GIGYF2: variants seen among roughly 807,000 people sequenced by gnomAD.
GIGYF2 encodes the protein GRB10-interacting GYF protein 2.
GIGYF2 carries 25 observed loss-of-function variants against 208.1 expected under a neutral mutation model. The ratio of observed to expected loss-of-function variants is 0.12; its 90% CI spans 0.09 to 0.17. GIGYF2 has a LOEUF of 0.17. GIGYF2 is among the 10% of genes least tolerant of loss of function. The pLI is 1.00. For missense variants in GIGYF2, 1,302 were observed against 1,579.4 expected, an observed-to-expected ratio of 0.82 and a Z score of 2.98; for synonymous variants, 534 against 543.8, an observed-to-expected ratio of 0.98 and a Z score of 0.25.
chr2:232,716,063 C>T (rs1459641252), intron 2 of GIGYF2, among the ~76,000 whole-genome samples: 1 of 151,840 alleles, frequency 6.6e-6, no homozygotes, highest in Non-Finnish European at 1.5e-5. Context: ...TTCTTTTTGC[C>T]TTTTTTTGGA....
chr2:232,741,382 C>T (rs1035364803), intron 3 of GIGYF2, among the ~76,000 whole-genome samples: 5 of 151,746 alleles, frequency 3.3e-5, no homozygotes, highest in African/African-American at 1.2e-4. Context: ...AAGTTGCCAC[C>T]ATTTCTAACA....
intron 3 of GIGYF2, among the ~76,000 whole-genome samples, chr2:232,743,449 G>A (rs962957735): frequency 2.0e-5 from 3 of 152,150 alleles, no homozygotes; most frequent in African/African-American, 7.2e-5. Flanking sequence ...GGGGGTACAT[G>A]TGAAGGTTAT....
At chr2:232,848,765 T>C (rs1407591767) in intron 27 of GIGYF2, among the ~76,000 whole-genome samples, 2 of 152,260 alleles carry the variant, frequency 1.3e-5, no homozygotes, top group Non-Finnish European at 2.9e-5. Flanking sequence ...TGTTTCCTTG[T>C]TCTACCTTAA....
At chr2:232,844,000 AT>A in intron 23 of GIGYF2, 45 bp from the exon 24 acceptor site, 1 of 1,567,556 alleles carries the variant, frequency 6.4e-7, no homozygotes, top group Non-Finnish European at 8.8e-7. Flanking sequence ...TATAACTATT[AT>A]CTAAAAACAG....
intron 13 of GIGYF2, among the ~76,000 whole-genome samples, chr2:232,795,234 T>G (rs1184505824): frequency 6.6e-6 from 1 of 152,222 alleles, no homozygotes; most frequent in Admixed American, 6.5e-5. Flanking sequence ...AAATGGTGAA[T>G]ACAAGCAGCT....
At chr2:232,706,782 A>T (rs990026897) in intron 2 of GIGYF2, among the ~76,000 whole-genome samples, 17 of 151,692 alleles carry the variant, frequency 1.1e-4, no homozygotes, top group Admixed American at 9.2e-4. Context: ...TCTGTCTCAA[A>T]AAATAAATAA....
intron 8 of GIGYF2, among the ~76,000 whole-genome samples, chr2:232,773,439 A>C (rs753624005): frequency 8.9e-4 from 136 of 152,286 alleles, no homozygotes; most frequent in Admixed American, 2.4e-3. Flanking sequence ...TTGGATGGTT[A>C]TTCAAGTCTA....
At chr2:232,840,361 G>A (rs1446311) in intron 23 of GIGYF2, among the ~76,000 whole-genome samples, 103,811 of 152,062 alleles carry the variant, frequency 0.68, 35,801 homozygotes, top group African/African-American at 0.73. Context: ...CTAGAAAAAT[G>A]TGACAGAAAT....
At chr2:232,851,799 A>G (rs562236354) in intron 28 of GIGYF2, among the ~76,000 whole-genome samples, 16 of 152,318 alleles carry the variant, frequency 1.1e-4, no homozygotes, top group African/African-American at 3.6e-4. Context: ...ATTCGCAAGG[A>G]TGGAAGTTCC....
intron 2 of GIGYF2, among the ~76,000 whole-genome samples, chr2:232,706,679 G>A (rs1190172092): frequency 6.6e-6 from 1 of 152,114 alleles, no homozygotes; most frequent in Non-Finnish European, 1.5e-5. Context: ...TTGGGAGGCT[G>A]AGACAGAACA....
intron 14 of GIGYF2, among the ~76,000 whole-genome samples, chr2:232,802,931 GCT>G (rs1276314920): frequency 2.7e-5 from 4 of 149,096 alleles, no homozygotes; most frequent in African/African-American, 9.9e-5. Context: ...ACAGAGTCTA[GCT>G]CTGTCGGCCA....
intron 6 of GIGYF2, among the ~76,000 whole-genome samples, chr2:232,758,894 A>G (rs1376330023): frequency 6.6e-6 from 1 of 152,204 alleles, no homozygotes; most frequent in African/African-American, 2.4e-5. Context: ...ACATTATTTT[A>G]GGATCTTAAA....
intron 1 of GIGYF2, chr2:232,698,371 T>A (rs1695701301): frequency 6.6e-6 from 1 of 152,230 alleles, no homozygotes; most frequent in African/African-American, 2.4e-5. Context: ...AACAGCTTCC[T>A]TTCTAGAGCT....
intron 8 of GIGYF2, chr2:232,776,618 C>A (rs768588604): frequency 6.1e-5 from 40 of 651,082 alleles, no homozygotes; most frequent in Admixed American, 2.0e-4. Context: ...CTGGTTTCAG[C>A]TGAGGTTGAT....
chr2:232,728,705 G>C (rs995308775), intron 2 of GIGYF2, among the ~76,000 whole-genome samples: 1 of 152,176 alleles, frequency 6.6e-6, no homozygotes, highest in Non-Finnish European at 1.5e-5. Flanking sequence ...TTTAATTGCT[G>C]TTGTTAAAAT....
chr2:232,836,964 G>A (rs111422123), intron 22 of GIGYF2, among the ~76,000 whole-genome samples: 26 of 152,308 alleles, frequency 1.7e-4, no homozygotes, highest in African/African-American at 5.3e-4. Flanking sequence ...CTGGAAGTGG[G>A]CACAGTGGTC....
chr2:232,727,273 C>T (rs1289626270), intron 2 of GIGYF2, among the ~76,000 whole-genome samples: 1 of 152,150 alleles, frequency 6.6e-6, no homozygotes, highest in Admixed American at 6.5e-5. Flanking sequence ...GCCCATCATA[C>T]AGCTTTTAAA....
At chr2:232,741,583 T>C (rs1475452419) in intron 3 of GIGYF2, among the ~76,000 whole-genome samples, 3 of 151,944 alleles carry the variant, frequency 2.0e-5, no homozygotes, top group Admixed American at 6.6e-5. Context: ...GCTGGGACTA[T>C]AGGCATGCAT....
At chr2:232,777,099 T>TAAAA (rs1164295374) in intron 8 of GIGYF2, among the ~76,000 whole-genome samples, 1 of 152,186 alleles carries the variant, frequency 6.6e-6, no homozygotes, top group Non-Finnish European at 1.5e-5. Flanking sequence ...TTTATTTTTT[T>TAAAA]GGTTAGGAAA....
Sources: allele counts gnomAD v4.1 joint callset (sites outside exome capture counted in the v4.1 genomes callset), GRCh38; gene constraint gnomAD v4.1.1; transcripts MANE v1.5; gene names NCBI Gene and HGNC (gene_info 2026-07-23, HGNC 2026-07-21).